FANCI: variants seen among roughly 807,000 people sequenced by gnomAD.
FANCI encodes the protein Fanconi anemia group I protein.
In FANCI, 156 loss-of-function variants were observed where a neutral mutation model predicts 176.1. The ratio of observed to expected loss-of-function variants is 0.89; its 90% confidence interval spans 0.78 to 1.01. The LOEUF is 1.01. Among genes scored for constraint, FANCI ranks in the 50% least tolerant of loss-of-function variants. The pLI, the probability that FANCI is intolerant of heterozygous loss-of-function variation, is 0.00. For synonymous variants in FANCI, 613 were observed against 541.7 expected, an observed-to-expected ratio of 1.13 and a Z score of -1.83; for missense variants, 1,678 against 1,534.1, an observed-to-expected ratio of 1.09 and a Z score of -1.57.
chr15:89,316,699 G>A lies in FANCI; in HGVS notation c.*240G>A. ...GCTGAAAGCCTGAGTTTGGGAGCCT[G>A]CACCACCCCGATGAAGCTCCACGGG... On this transcript the variant is annotated 3_prime_UTR_variant, in exon 38 of 38. Transcript: ENST00000310775. 1 of 1,407,962 alleles carries A rather than the reference G, an allele frequency of 7.1e-7. No individual in the cohort carries two copies. The highest frequency in any genetic ancestry group is 1.4e-5 in the African/African-American group (1 of 70,522). The allele number at this position is 1,407,962 out of a possible 1,614,324, so 87.2% of individuals were successfully genotyped here.
At chr15:89,279,418 A>G (rs1376469356) in intron 14 of FANCI, among the ~76,000 whole-genome samples, 1 of 152,156 alleles carries the variant, frequency 6.6e-6, no homozygotes, top group Admixed American at 6.5e-5. Flanking sequence ...TTAGCTTCCC[A>G]AAGTGCTGGG....
In FANCI at chr15:89,300,237, A is replaced by G. The variant is rs972210302; in HGVS notation, c.2804-63A>G. On this transcript the variant is annotated intron_variant, in intron 25 of 37. Coordinates refer to ENST00000310775, the MANE Select transcript of FANCI (RefSeq NM_001113378.2). ...TTTTTGGCTTTCAAAAATTTTAGCTATTAAAAGGCCAAAAAGTATGAGTTT... is the reference window on the plus strand; with the variant it reads ...TTTTTGGCTTTCAAAAATTTTAGCTGTTAAAAGGCCAAAAAGTATGAGTTT... 11 of 1,513,744 alleles carry G rather than the reference A, an allele frequency of 7.3e-6. No homozygotes were observed. In the African/African-American group the frequency reaches 9.7e-5, roughly 13 times the overall value. 93.8% of individuals were successfully genotyped at this position (1,513,744 alleles called of 1,614,324 possible).
chr15:89,304,042 CCT>C lies in FANCI; in HGVS notation c.3058+128_3058+129del. The C allele has an allele frequency of 3.5e-6, 3 of 849,202 alleles. No homozygotes were observed. The Middle Eastern group carries it at 6.6e-4, about 186-fold the overall frequency. 52.6% of individuals were successfully genotyped at this position (849,202 alleles called of 1,614,324 possible). A position where few individuals can be genotyped will look rare whatever the true frequency, so the allele number is the denominator to read the frequency against. ...CAGAGTGGCCAAAATGAAACAGACA[CCT>C]AATACCAAGTCGAATTGTTGGCAAG... is the stretch of plus-strand genomic sequence containing the variant. On this transcript the variant is annotated intron_variant, in intron 28 of 37. Coordinates refer to ENST00000310775, the MANE Select transcript of FANCI (RefSeq NM_001113378.2).
intron 16 of FANCI, chr15:89,282,296 A>C (rs965158465): frequency 4.9e-5 from 9 of 183,330 alleles, no homozygotes; most frequent in Non-Finnish European, 1.1e-4. Flanking sequence ...GATTATACTT[A>C]AGAATCTCAT....
rs2055133569 is a variant in FANCI at position 89,314,715 on chromosome 15, T to C, written c.3816+8T>C. ...CTTTCTAAGAAGTCCAAGGTAAACA[T>C]TCTCTTATTATGTGCTACCATTCCC... On this transcript the variant is annotated splice_region_variant and intron_variant, in intron 36 of 37. Transcript: ENST00000310775. 1.3e-6 allele frequency: 2 copies of C among 1,589,978 alleles called. No homozygotes were observed. Among genetic ancestry groups the C allele is most frequent in the African/African-American group, 1.3e-5 (1 of 74,366 alleles).
chr15:89,280,769 A>C (rs1403925819), intron 14 of FANCI, among the ~76,000 whole-genome samples: 1 of 152,202 alleles, frequency 6.6e-6, no homozygotes, highest in Middle Eastern at 3.2e-3. Flanking sequence ...TAAATTATTA[A>C]AATTTTTGAA....
intron 22 of FANCI, 129 bp from the exon 23 acceptor site, chr15:89,293,704 T>A (rs1382313106): frequency 3.4e-5 from 33 of 958,624 alleles, no homozygotes; most frequent in Non-Finnish European, 4.6e-5. Context: ...ATTAATGAAG[T>A]TCTATTCATT....
At chr15:89,252,612 C>T (rs772032665) in intron 2 of FANCI, among the ~76,000 whole-genome samples, 60 of 151,572 alleles carry the variant, frequency 4.0e-4, no homozygotes, top group Non-Finnish European at 7.5e-4. Context: ...TGGTGGTGCA[C>T]GCCTGTAGTC....
In FANCI at chr15:89,316,484, CT is replaced by C; in HGVS notation, c.*28del. 6.3e-7 allele frequency: 1 copy of C among 1,595,528 alleles called. No homozygotes were observed. Among genetic ancestry groups the C allele is most frequent in the South Asian group, 1.1e-5 (1 of 88,690 alleles). ...AATGAAATGCCTGAGTTAATGTGAA[CT>C]TTGGGGCTTCTGCTTCATTTTTACC... On this transcript the variant is annotated 3_prime_UTR_variant, in exon 38 of 38. Transcript: ENST00000310775.
intron 18 of FANCI, among the ~76,000 whole-genome samples, chr15:89,288,413 T>A (rs531645750): frequency 1.3e-5 from 2 of 152,308 alleles, no homozygotes; most frequent in African/African-American, 4.8e-5. Context: ...TTAAACCTAT[T>A]AGAATATTGC....
intron 24 of FANCI, 130 bp from the exon 25 acceptor site, chr15:89,299,670 G>A: frequency 1.2e-6 from 1 of 825,382 alleles, no homozygotes; most frequent in East Asian, 2.8e-5. Context: ...TGATTGTGGG[G>A]AGATTACACA....
rs147743375 is a variant in FANCI at position 89,279,503 on chromosome 15, T to C, written c.1381+729T>C. 2.7e-3 allele frequency among the ~76,000 whole-genome samples: 405 copies of C among 152,316 alleles called. 8 individuals carry two copies. Among genetic ancestry groups the C allele is most frequent in the East Asian group, 0.015 (77 of 5,178 alleles). On this transcript the variant is annotated intron_variant, in intron 14 of 37. Coordinates refer to ENST00000310775, the MANE Select transcript of FANCI (RefSeq NM_001113378.2). ...CATAACTCCTAATGTCTAAATTTAC[T>C]AGCCTTCATCACAAATTTTAAAAAT...
chr15:89,292,858 T>C lies in FANCI; in HGVS notation c.2163T>C (p.Phe721=), dbSNP rs1263993972. Reference sequence around the variant, plus strand: ...TGATTAAGAGTGAGCTGGAAGACTTTGAACTGGTAATTGCTAAGTCCTCAG... The same window carrying C: ...TGATTAAGAGTGAGCTGGAAGACTTCGAACTGGTAATTGCTAAGTCCTCAG... The part of the protein sequence containing the change: ...NRMIKSELED[F]ELDKSADFSQ... Residue 721 remains phenylalanine (F), a synonymous_variant, in exon 21 of 38, where the codon TTT becomes TTC. Transcript: ENST00000310775. 1 of 1,614,106 alleles carries C rather than the reference T, an allele frequency of 6.2e-7. No homozygotes were observed. Among genetic ancestry groups the C allele is most frequent in the East Asian group, 2.2e-5 (1 of 44,844 alleles).
intron 18 of FANCI, 138 bp from the exon 19 acceptor site, chr15:89,290,075 C>A (rs1251202905): frequency 4.2e-6 from 3 of 721,746 alleles, no homozygotes; most frequent in Non-Finnish European, 7.5e-6. Flanking sequence ...TATATTAGGG[C>A]ATTTAGGACT....
intron 18 of FANCI, among the ~76,000 whole-genome samples, chr15:89,289,631 T>A (rs2053981399): frequency 6.6e-6 from 1 of 151,984 alleles, no homozygotes; most frequent in South Asian, 2.1e-4. Context: ...AACAAAAAAA[T>A]TTTTTTGATC....
At chr15:89,282,151 C>G (rs915341426) in intron 16 of FANCI, 1 of 376,434 alleles carries the variant, frequency 2.7e-6, no homozygotes, top group African/African-American at 2.1e-5. Context: ...AAAGTCAGGT[C>G]TAACATCAGA....
intron 15 of FANCI, 115 bp from the exon 16 acceptor site, chr15:89,281,650 A>T: frequency 1.0e-6 from 1 of 971,044 alleles, no homozygotes; most frequent in Non-Finnish European, 1.7e-6. Flanking sequence ...ATTAAAACGT[A>T]TATAAAACAG....
intron 1 of FANCI, among the ~76,000 whole-genome samples, chr15:89,245,529 C>T (rs2051925963): frequency 6.6e-6 from 1 of 151,458 alleles, no homozygotes; most frequent in South Asian, 2.1e-4. Context: ...GTGGATTGAG[C>T]TAAGATCTGA....
intron 27 of FANCI, among the ~76,000 whole-genome samples, chr15:89,303,557 A>T (rs542352800): frequency 1.7e-3 from 259 of 152,368 alleles, no homozygotes; most frequent in African/African-American, 5.9e-3. Context: ...ATGGGAAAGA[A>T]AAGAGGGCGC....
Sources: gnomAD v4.1 joint callset for allele counts (sites outside exome capture counted in the v4.1 genomes callset) on GRCh38, gnomAD v4.1.1 for gene constraint, MANE v1.5 for transcripts, NCBI Gene and HGNC (gene_info 2026-07-23, HGNC 2026-07-21) for gene names.